The following ANKRD36 variants were observed in gnomAD, a reference collection of about 807,000 sequenced individuals.
ANKRD36 encodes ankyrin repeat domain 36.
In ANKRD36, 179 loss-of-function variants were observed where a neutral mutation model predicts 278.1. The observed-to-expected ratio is 0.64, with a 90% CI of 0.57 to 0.73. The LOEUF is 0.73. Ranked by LOEUF, ANKRD36 falls within the 30% of genes least tolerant of loss-of-function variation. The pLI, the probability that ANKRD36 is intolerant of heterozygous loss-of-function variation, is 0.00. For synonymous variants in ANKRD36, 320 were observed against 641.1 expected (o/e 0.50, Z 7.57); for missense variants, 1,159 against 1,956.7 (o/e 0.59, Z 7.69).
chr2:97,154,785 C>A (rs1390242302), intron 15 of ANKRD36, 44 bp downstream of exon 15: 1 of 1,389,588 alleles, frequency 7.2e-7, no homozygotes, highest in Non-Finnish European at 9.7e-7. Flanking sequence ...TTCTGAATCT[C>A]ATTTTTTGTA....
intron 64 of ANKRD36, among the ~76,000 whole-genome samples, 156 bp from the exon 65 acceptor site, chr2:97,218,894 T>A (rs1339619642): frequency 2.0e-5 from 3 of 151,812 alleles, no homozygotes; most frequent in African/African-American, 7.3e-5. Flanking sequence ...ATTGCATTTC[T>A]ATCATATTAC....
At chr2:97,152,675 A>G in intron 14 of ANKRD36, 141 bp downstream of exon 14, 1 of 784,832 alleles carries the variant, frequency 1.3e-6, no homozygotes, top group South Asian at 2.9e-5. Context: ...AACTTTAGAA[A>G]CTATTTGTGC....
chr2:97,231,362 C>G (rs1480004860), intron 67 of ANKRD36, among the ~76,000 whole-genome samples: 1 of 152,176 alleles, frequency 6.6e-6, no homozygotes, highest in East Asian at 1.9e-4. Flanking sequence ...CCCAGCCTCA[C>G]TGCCGCCTTG....
intron 67 of ANKRD36, among the ~76,000 whole-genome samples, chr2:97,229,360 C>A (rs2071086864): frequency 6.6e-6 from 1 of 152,024 alleles, no homozygotes; most frequent in Non-Finnish European, 1.5e-5. Flanking sequence ...GTTAGCTCTT[C>A]TTGTTGAATT....
intron 67 of ANKRD36, among the ~76,000 whole-genome samples, chr2:97,232,897 AC>A (rs1305842345): frequency 6.6e-6 from 1 of 152,076 alleles, no homozygotes; most frequent in Admixed American, 6.5e-5. Context: ...TGACAAAAAA[AC>A]AAAACACCGC....
chr2:97,154,289 G>C (rs1309051268), intron 14 of ANKRD36, among the ~76,000 whole-genome samples: 5 of 148,564 alleles, frequency 3.4e-5, no homozygotes, highest in Admixed American at 2.0e-4. Flanking sequence ...CAGGTTTACT[G>C]CAGTTCAGTA....
At chr2:97,189,324 A>G (rs754024446) in intron 34 of ANKRD36, 34 bp downstream of exon 34, 9 of 729,382 alleles carry the variant, frequency 1.2e-5, no homozygotes, top group South Asian at 1.2e-4. Flanking sequence ...TGTCATGTTC[A>G]ATCCAGATAG....
rs866108841 is a variant in ANKRD36 at position 97,155,488 on chromosome 2, G to C, written c.1260+747G>C. On this transcript the variant is annotated intron_variant, in intron 15 of 75. Transcript: ENST00000420699. ...ATTAGAAATTTAAATTCTGTTCTCAGATCTACAGTAGAGAGGGTTTACAGT... is the reference window on the plus strand; with the variant it reads ...ATTAGAAATTTAAATTCTGTTCTCACATCTACAGTAGAGAGGGTTTACAGT... Among the ~76,000 whole-genome samples, 44 of 146,346 alleles carry C rather than the reference G, an allele frequency of 3.0e-4. 2 individuals are homozygous for C. The highest frequency in any genetic ancestry group is 9.7e-4 in the African/African-American group (40 of 41,268).
intron 3 of ANKRD36, among the ~76,000 whole-genome samples, chr2:97,121,559 G>A (rs1057260077): frequency 2.0e-5 from 3 of 152,066 alleles, no homozygotes; most frequent in Non-Finnish European, 2.9e-5. Flanking sequence ...AGAATTTCTC[G>A]TGCTTGAATC....
At chr2:97,214,818 G>A (rs1165256086) in intron 60 of ANKRD36, among the ~76,000 whole-genome samples, 8 of 152,020 alleles carry the variant, frequency 5.3e-5, no homozygotes, top group African/African-American at 9.6e-5. Flanking sequence ...TGAAGTGCAC[G>A]TTCAAGTGAA....
intron 11 of ANKRD36, among the ~76,000 whole-genome samples, chr2:97,146,962 A>ATATT: frequency 6.6e-6 from 1 of 152,072 alleles, no homozygotes; most frequent in Non-Finnish European, 1.5e-5. Flanking sequence ...CTTTGTCCAA[A>ATATT]TATTTTGGAA....
intron 67 of ANKRD36, among the ~76,000 whole-genome samples, chr2:97,225,731 C>T (rs1325762271): frequency 1.3e-5 from 2 of 151,606 alleles, no homozygotes; most frequent in Admixed American, 6.6e-5. Flanking sequence ...CCCATTAACT[C>T]GTCATTTAGC....
chr2:97,220,794 T>TA (rs1334340433), intron 66 of ANKRD36, among the ~76,000 whole-genome samples: 1 of 143,486 alleles, frequency 7.0e-6, no homozygotes, highest in Non-Finnish European at 1.5e-5. Context: ...TTTTTTATTA[T>TA]ACTCTAAGTT....
At chr2:97,149,153 T>C in intron 11 of ANKRD36, 142 bp from the exon 12 acceptor site, 1 of 674,408 alleles carries the variant, frequency 1.5e-6, no homozygotes, top group Non-Finnish European at 2.5e-6. Flanking sequence ...CAAGAAATAT[T>C]ATTTAACATG....
chr2:97,127,735 C>T (rs1367188848), intron 6 of ANKRD36, among the ~76,000 whole-genome samples: 2 of 151,832 alleles, frequency 1.3e-5, no homozygotes, highest in Non-Finnish European at 2.9e-5. Flanking sequence ...TGTTCACCCA[C>T]CCATGGTAAA....
At chr2:97,213,734 A>G (rs1329413290) in intron 60 of ANKRD36, 120 bp downstream of exon 60, 1 of 569,226 alleles carries the variant, frequency 1.8e-6, no homozygotes, top group South Asian at 2.1e-5. Flanking sequence ...CAGGCCTGAC[A>G]TTCTTCATTT....
intron 12 of ANKRD36, among the ~76,000 whole-genome samples, chr2:97,150,887 TTTCCCC>T: frequency 4.8e-5 from 1 of 20,680 alleles, no homozygotes; most frequent in African/African-American, 2.0e-4. Context: ...TTTTTTTTTC[TTTCCCC>T]CTCTCTCTCT....
chr2:97,157,233 A>G (rs986217915), intron 15 of ANKRD36, among the ~76,000 whole-genome samples: 1 of 149,466 alleles, frequency 6.7e-6, no homozygotes, highest in African/African-American at 2.5e-5. Context: ...AAACAAATTA[A>G]ACTTTTTATT....
At chr2:97,202,826 C>G (rs2061771492) in intron 48 of ANKRD36, among the ~76,000 whole-genome samples, 1 of 151,786 alleles carries the variant, frequency 6.6e-6, no homozygotes. Context: ...CTTGTTGTAG[C>G]AATCATTTTG....
Sources: allele counts gnomAD v4.1 joint callset (sites outside exome capture counted in the v4.1 genomes callset), GRCh38; gene constraint gnomAD v4.1.1; transcripts MANE v1.5; gene names NCBI Gene and HGNC (gene_info 2026-07-23, HGNC 2026-07-21).